Variants in MS4A14 observed in about 807,000 individuals in gnomAD.
MS4A14 encodes the protein membrane-spanning 4-domains subfamily A member 14.
In MS4A14, 18 loss-of-function variants were observed where a neutral mutation model predicts 16.7. The observed-to-expected ratio is 1.08, with a 90% CI of 0.75 to 1.60. The LOEUF is 1.60. MS4A14 is among the 40% of genes most tolerant of loss of function. MS4A14 has a pLI of 0.00. For synonymous variants in MS4A14, 305 were observed against 289.4 expected, an observed-to-expected ratio of 1.05 and a Z score of -0.55; for missense variants, 812 against 775.3, an observed-to-expected ratio of 1.05 and a Z score of -0.56.
rs748131312 is a variant in MS4A14, at chr11:60,416,990, G to T, written c.2022G>T (p.Lys674Asn). 2.5e-6 allele frequency: 4 copies of T among 1,612,174 alleles called. No homozygotes were observed. The highest frequency in any genetic ancestry group is 1.7e-6 in the Non-Finnish European group (2 of 1,179,034). ...GQPRTVNLLAKNPLTG is the reference protein window; with the variant it reads ...GQPRTVNLLANNPLTG ...CCAGGACTGTCAATCTTTTGGCCAA[G>T]AATCCCCTGACTGGATAACTCAGGG... The change falls in exon 5 of 5, where the codon AAG becomes AAT. Residue 674 changes from lysine (K) to asparagine (N), a missense_variant. By Grantham distance (94) the Lys-to-Asn change is moderately conservative. Coordinates refer to ENST00000300187, the MANE Select transcript of MS4A14 (RefSeq NM_032597.5).
At chr11:60,405,896 T>G in intron 4 of MS4A14, 1 of 1,533,878 alleles carries the variant, frequency 6.5e-7, no homozygotes, top group Non-Finnish European at 8.7e-7. Flanking sequence ...CAGGGAATTT[T>G]GTTAATCTTA....
chr11:60,406,445 G>T (rs955017), intron 4 of MS4A14, among the ~76,000 whole-genome samples: 50,888 of 152,088 alleles, frequency 0.33, 8,747 homozygotes, highest in Middle Eastern at 0.56. Context: ...GACTATGTCA[G>T]TCACTGTTAT....
chr11:60,399,791 T>C (rs951380793), intron 2 of MS4A14, among the ~76,000 whole-genome samples: 1 of 152,068 alleles, frequency 6.6e-6, no homozygotes, highest in African/African-American at 2.4e-5. Flanking sequence ...CAAAGGTAAC[T>C]TTCTGATCTC....
At position 60,416,236 on chromosome 11, in the gene MS4A14, A is replaced by C; in HGVS notation, c.1268A>C (p.His423Pro). 6.2e-7 allele frequency: 1 copy of C among 1,613,950 alleles called. No individual in the cohort carries two copies. Among genetic ancestry groups the C allele is most frequent in the South Asian group, 1.1e-5 (1 of 91,080 alleles). ...ATATTACCTGAAGCCTCAACATCCC[A>C]TATTGTGCAGTTCCCTGAAATACAA... Reference protein sequence around the residue: ...HAILPEASTSHIVQFPEIQHL... With the variant: ...HAILPEASTSPIVQFPEIQHL... The change falls in exon 5 of 5, where the codon CAT becomes CCT. Residue 423 changes from histidine (H) to proline (P), a missense_variant. Physicochemically the swap from His to Pro is moderately conservative, Grantham distance 77. Transcript: ENST00000300187.
At chr11:60,400,100 C>A (rs1297810350) in intron 2 of MS4A14, among the ~76,000 whole-genome samples, 1 of 152,144 alleles carries the variant, frequency 6.6e-6, no homozygotes, top group African/African-American at 2.4e-5. Flanking sequence ...CTTCAAGGCC[C>A]AGAGCTCAGG....
At position 60,417,277 on chromosome 11, in the gene MS4A14, A is replaced by G. The variant is rs2085962139; in HGVS notation, c.*269A>G. The stretch of plus-strand genomic sequence containing the variant: ...CAGGGGACATGAAATGTATAGGGCA[A>G]ACCTCAGGGGACCTGCAATCAGAAG... On this transcript the variant is annotated 3_prime_UTR_variant, in exon 5 of 5. Coordinates refer to ENST00000300187, the MANE Select transcript of MS4A14 (RefSeq NM_032597.5). 1 of 305,240 alleles carries G rather than the reference A, an allele frequency of 3.3e-6. No homozygotes were observed. The allele number at this position is 305,240 out of a possible 1,614,324, so 18.9% of individuals were successfully genotyped here.
At position 60,397,975 on chromosome 11, in the gene MS4A14, C is replaced by G; in HGVS notation, c.262C>G (p.Leu88Val). 5 of 1,613,142 alleles carry G rather than the reference C, an allele frequency of 3.1e-6. No individual in the cohort carries two copies. Among genetic ancestry groups the G allele is most frequent in the Non-Finnish European group, 3.4e-6 (4 of 1,179,394 alleles). The change falls in exon 2 of 5, where the codon CTT becomes GTT. Residue 88 changes from leucine to valine, a missense_variant. Physicochemically the swap from Leu to Val is conservative, Grantham distance 32. Coordinates refer to ENST00000300187, the MANE Select transcript of MS4A14 (RefSeq NM_032597.5). The stretch of plus-strand genomic sequence containing the variant: ...CACAGGATATCCATTCTGGGGAGCA[C>G]TTATTGTGAGTACTGTCGATTAGAA... ...VLTGYPFWGA[L>V]IFILTGYLTV...
intron 2 of MS4A14, among the ~76,000 whole-genome samples, chr11:60,399,536 G>A (rs2085679426): frequency 6.6e-6 from 1 of 152,180 alleles, no homozygotes; most frequent in African/African-American, 2.4e-5. Flanking sequence ...TTTTTAAAGA[G>A]GATAGTGACA....
intron 3 of MS4A14, among the ~76,000 whole-genome samples, chr11:60,401,831 C>A (rs1489994936): frequency 1.3e-5 from 2 of 152,116 alleles, no homozygotes; most frequent in African/African-American, 2.4e-5. Context: ...GATGGCCTAT[C>A]TATATGTTCC....
rs570252614 is a variant in MS4A14, at chr11:60,415,472, T to G, written c.504T>G (p.Asn168Lys). 3 of 1,612,584 alleles carry G rather than the reference T, an allele frequency of 1.9e-6. No individual in the cohort carries two copies. The South Asian group carries it at 3.3e-5, about 18-fold the overall frequency. Residue 168 changes from asparagine (N) to lysine (K), a missense_variant, in exon 5 of 5, where the codon AAT becomes AAG. Transcript: ENST00000300187. The part of the protein sequence containing the change: ...LFFLPSDVTQ[N>K]SEQPAPEEND... Reference sequence around the variant, plus strand: ...TCTTGCCTTCGGATGTTACTCAAAATAGTGAACAACCTGCCCCAGAAGAAA... The same window carrying G: ...TCTTGCCTTCGGATGTTACTCAAAAGAGTGAACAACCTGCCCCAGAAGAAA...
chr11:60,396,590 A>T lies in MS4A14; in HGVS notation c.12A>T (p.Thr4=), dbSNP rs375301622. The T allele has an allele frequency of 2.0e-4, 329 of 1,613,458 alleles. No individual in the cohort carries two copies. The highest frequency in any genetic ancestry group is 2.8e-4 in the Non-Finnish European group (325 of 1,179,804). ...TCTGCCATAGAATCATGGAGTCAACATCCCAGGACAGAAGGGCAACTCACG... is the reference window on the plus strand; with the variant it reads ...TCTGCCATAGAATCATGGAGTCAACTTCCCAGGACAGAAGGGCAACTCACG... MES[T]SQDRRATHVI... is the part of the protein sequence containing the mutation. The change falls in exon 1 of 5, where the codon ACA becomes ACT. Residue 4 remains threonine (T), a synonymous_variant. Coordinates refer to ENST00000300187, the MANE Select transcript of MS4A14 (RefSeq NM_032597.5).
chr11:60,406,161 C>G (rs939030845), intron 4 of MS4A14, among the ~76,000 whole-genome samples: 1 of 152,130 alleles, frequency 6.6e-6, no homozygotes, highest in Non-Finnish European at 1.5e-5. Context: ...TGAAGCTCAC[C>G]CCACCATCTG....
At position 60,406,549 on chromosome 11, in the gene MS4A14, T is replaced by C. The variant is rs373284861; in HGVS notation, c.468+3488T>C. Among the ~76,000 whole-genome samples the C allele has an allele frequency of 9.8e-5, 15 of 152,292 alleles. No homozygotes were observed. In the East Asian group the frequency reaches 2.1e-3, roughly 22 times the overall value. ...AAGGCACAAAGAGGCTAAACTAACC[T>C]CTCCAGTACCACATAACATCAGGAT... On this transcript the variant is annotated intron_variant, in intron 4 of 4. Coordinates refer to ENST00000300187, the MANE Select transcript of MS4A14 (RefSeq NM_032597.5).
intron 4 of MS4A14, among the ~76,000 whole-genome samples, chr11:60,411,681 T>C (rs1441288622): frequency 6.6e-6 from 1 of 152,178 alleles, no homozygotes; most frequent in Non-Finnish European, 1.5e-5. Context: ...GGGAGGATTT[T>C]CTATATAGGA....
chr11:60,396,667 C>G lies in MS4A14; in HGVS notation c.89C>G (p.Pro30Arg), dbSNP rs1192505122. The change falls in exon 1 of 5, where the codon CCT (proline) becomes CGT (arginine). Residue 30 changes from proline (P) to arginine (R), a missense_variant. Physicochemically the swap from Pro to Arg is moderately radical, Grantham distance 103 (BLOSUM62 -2). Coordinates refer to ENST00000300187, the MANE Select transcript of MS4A14 (RefSeq NM_032597.5). ...GTATTGACTGCATTTCCCTACAGAC[C>G]TCATAGCTCTCTGCTGGATTTTCTG... is the stretch of plus-strand genomic sequence containing the variant. ...ETVLTAFPYR[P>R]HSSLLDFLKG... 1 of 1,613,986 alleles carries G rather than the reference C, an allele frequency of 6.2e-7. No individual in the cohort carries two copies. Among genetic ancestry groups the G allele is most frequent in the Non-Finnish European group, 8.5e-7 (1 of 1,179,954 alleles).
rs756037904 is a variant in MS4A14, at chr11:60,415,517, G to T, written c.549G>T (p.Val183=). The change falls in exon 5 of 5, where the codon GTG becomes GTT. Residue 183 remains valine (V), a synonymous_variant. Coordinates refer to ENST00000300187, the MANE Select transcript of MS4A14 (RefSeq NM_032597.5). Reference sequence around the variant, plus strand: ...AAGAAAATGATCAATTACAATTTGTGCTTCAAGAAGAGTTTTCCAGTGATG... The same window carrying T: ...AAGAAAATGATCAATTACAATTTGTTCTTCAAGAAGAGTTTTCCAGTGATG... ...APEENDQLQF[V]LQEEFSSDDS... is the part of the protein sequence containing the mutation. The T allele has an allele frequency of 1.9e-6, 3 of 1,613,604 alleles. No homozygotes were observed. The Admixed American group carries it at 5.0e-5, about 27-fold the overall frequency.
chr11:60,402,862 T>G (rs1565174713), intron 3 of MS4A14, 50 bp from the exon 4 acceptor site: 1 of 1,570,234 alleles, frequency 6.4e-7, no homozygotes, highest in Non-Finnish European at 8.7e-7. Flanking sequence ...AAGATATTTT[T>G]GCTTTGGTTT....
chr11:60,407,317 A>C lies in MS4A14; in HGVS notation c.468+4256A>C, dbSNP rs556291232. 3.9e-5 allele frequency among the ~76,000 whole-genome samples: 6 copies of C among 152,320 alleles called. No individual in the cohort carries two copies. In the South Asian group the frequency reaches 8.3e-4, roughly 21 times the overall value. Reference sequence around the variant, plus strand: ...ATTACAGGTGTGCGCCACTGCGCCCAGTCCATTTACCTTTTGATGGGTATT... The same window carrying C: ...ATTACAGGTGTGCGCCACTGCGCCCCGTCCATTTACCTTTTGATGGGTATT... On this transcript the variant is annotated intron_variant, in intron 4 of 4. Coordinates refer to ENST00000300187, the MANE Select transcript of MS4A14 (RefSeq NM_032597.5).
In MS4A14 at chr11:60,398,007, G is replaced by T. The variant is rs187813587; in HGVS notation, c.267+27G>T. Reference sequence around the variant, plus strand: ...TGAGTACTGTCGATTAGAAGCTTTGGAGAAATTGCTATAAAGATAGATTTG... The same window carrying T: ...TGAGTACTGTCGATTAGAAGCTTTGTAGAAATTGCTATAAAGATAGATTTG... On this transcript the variant is annotated intron_variant, in intron 2 of 4. Coordinates refer to ENST00000300187, the MANE Select transcript of MS4A14 (RefSeq NM_032597.5). 1,401 of 1,609,168 alleles carry T rather than the reference G, an allele frequency of 8.7e-4. 10 individuals carry two copies. Among genetic ancestry groups the T allele is most frequent in the South Asian group, 1.8e-3 (163 of 90,830 alleles).
Sources: allele counts gnomAD v4.1 joint callset (sites outside exome capture counted in the v4.1 genomes callset), GRCh38; gene constraint gnomAD v4.1.1; transcripts MANE v1.5; gene names NCBI Gene and HGNC (gene_info 2026-07-23, HGNC 2026-07-21).